Variants in SYNE3 observed in about 807,000 individuals in gnomAD.
SYNE3 encodes the protein spectrin repeat containing nuclear envelope family member 3, also known as nesprin-3.
Under a neutral mutation model 111.2 loss-of-function variants are expected in SYNE3, and 100 were observed. The observed-to-expected ratio is 0.90, with a 90% confidence interval of 0.77 to 1.06. The LOEUF is 1.06. SYNE3 is among the 50% of genes least tolerant of loss of function. The pLI is 0.00. For missense variants in SYNE3, 1,160 were observed against 1,240.3 expected, an observed-to-expected ratio of 0.94 and a Z score of 0.97; for synonymous variants, 547 against 533.9, an observed-to-expected ratio of 1.02 and a Z score of -0.34.
Position 95,488,697 on chromosome 14 carries a change from G to GAGGAGAGGAGAGGAGAGGAGAGGA in SYNE3, c.-14-12863_-14-12862insTCCTCTCCTCTCCTCTCCTCTCCT, listed in dbSNP as rs1889677131. ...GGTGGGGTGGGGAGGGAAGGGGAAG[G>GAGGAGAGGAGAGGAGAGGAGAGGA]GAGGAGAGGAGAGGAGAGGAGAGGA... On this transcript the variant is annotated intron_variant, in intron 1 of 17. Transcript: ENST00000682763. Among the ~76,000 whole-genome samples, 3 of 38,240 alleles carry GAGGAGAGGAGAGGAGAGGAGAGGA rather than the reference G, an allele frequency of 7.8e-5. 1 individual carries two copies. Among genetic ancestry groups the GAGGAGAGGAGAGGAGAGGAGAGGA allele is most frequent in the Non-Finnish European group, 1.5e-4 (3 of 19,824 alleles). 25.1% of individuals were successfully genotyped at this position (38,240 alleles called of 152,430 possible).
At chr14:95,509,063 T>C (rs534961346) in intron 1 of SYNE3, among the ~76,000 whole-genome samples, 8 of 152,344 alleles carry the variant, frequency 5.3e-5, no homozygotes, top group African/African-American at 1.9e-4. Flanking sequence ...GATAATCCTG[T>C]CTCCAGCCCT....
At chr14:95,421,899 C>T (rs973497109) in intron 17 of SYNE3, among the ~76,000 whole-genome samples, 1 of 152,208 alleles carries the variant, frequency 6.6e-6, no homozygotes, top group East Asian at 1.9e-4. Context: ...ACCTGGTTAG[C>T]GCTGACTGAT....
chr14:95,449,904 C>T, intron 8 of SYNE3, 27 bp downstream of exon 8: 1 of 1,546,364 alleles, frequency 6.5e-7, no homozygotes, highest in Non-Finnish European at 8.7e-7. Flanking sequence ...CACCCCAGCC[C>T]CACCCAGTTG....
intron 1 of SYNE3, among the ~76,000 whole-genome samples, chr14:95,506,362 G>T (rs987820314): frequency 6.6e-6 from 1 of 152,214 alleles, no homozygotes; most frequent in African/African-American, 2.4e-5. Flanking sequence ...CTGGTGCTCC[G>T]GGCAGGCAAT....
intron 17 of SYNE3, 107 bp downstream of exon 17, chr14:95,431,972 C>A: frequency 7.5e-7 from 1 of 1,337,972 alleles, no homozygotes; most frequent in Non-Finnish European, 1.0e-6. Context: ...TTTGGTCTTC[C>A]TGGAACCTTC....
intron 1 of SYNE3, among the ~76,000 whole-genome samples, chr14:95,476,110 A>C (rs11622887): frequency 0.52 from 79,437 of 152,142 alleles, 21,096 homozygotes; most frequent in African/African-American, 0.61. Flanking sequence ...CCTCTTCTCG[A>C]AGCTTGAGGC....
At chr14:95,464,788 C>A (rs1317864181) in intron 4 of SYNE3, among the ~76,000 whole-genome samples, 1 of 152,200 alleles carries the variant, frequency 6.6e-6, no homozygotes, top group Non-Finnish European at 1.5e-5. Flanking sequence ...AGGACAACAC[C>A]CCCCAAGGAA....
At chr14:95,443,997 ACT>A (rs1886556268) in intron 10 of SYNE3, 1 of 158,012 alleles carries the variant, frequency 6.3e-6, no homozygotes, top group South Asian at 2.0e-4. Flanking sequence ...TCTAGAGAAC[ACT>A]CTCAATTTAT....
intron 17 of SYNE3, among the ~76,000 whole-genome samples, chr14:95,419,537 T>C (rs891552840): frequency 9.2e-5 from 14 of 152,092 alleles, no homozygotes; most frequent in Non-Finnish European, 1.5e-4. Flanking sequence ...ACTATTATTA[T>C]AGAATATATC....
At chr14:95,442,991 A>AT (rs1886490537) in intron 11 of SYNE3, among the ~76,000 whole-genome samples, 164 bp downstream of exon 11, 1 of 152,186 alleles carries the variant, frequency 6.6e-6, no homozygotes, top group Admixed American at 6.5e-5. Context: ...GGAGGTGCTC[A>AT]ATAATTGTCT....
intron 1 of SYNE3, among the ~76,000 whole-genome samples, chr14:95,501,676 C>G (rs1890340195): frequency 6.6e-6 from 1 of 152,140 alleles, no homozygotes. Context: ...GGAGGAGACT[C>G]CTGAGCTGAA....
intron 2 of SYNE3, among the ~76,000 whole-genome samples, chr14:95,469,473 T>C (rs1010710897): frequency 1.3e-5 from 2 of 150,544 alleles, no homozygotes; most frequent in East Asian, 3.9e-4. Context: ...GGCAGGAGAA[T>C]TGCTCGAGCT....
chr14:95,416,694 C>A lies in SYNE3; in HGVS notation c.*1132G>T, dbSNP rs1167216792. 2.6e-5 allele frequency: 4 copies of A among 152,370 alleles called. No homozygotes were observed. Among genetic ancestry groups the A allele is most frequent in the Admixed American group, 2.6e-4 (4 of 15,288 alleles). 9.4% of individuals were successfully genotyped at this position (152,370 alleles called of 1,614,324 possible). ...CATGAGACCTTCTTGGCCCCATAGA[C>A]CTGCTGTCTCCAGAGTCTTTTCTGG... On this transcript the variant is annotated 3_prime_UTR_variant, in exon 18 of 18. Transcript: ENST00000682763.
At chr14:95,448,776 C>A (rs1805538350) in intron 8 of SYNE3, among the ~76,000 whole-genome samples, 2 of 152,212 alleles carry the variant, frequency 1.3e-5, no homozygotes, top group South Asian at 4.1e-4. Flanking sequence ...TTTCAAAATG[C>A]AGGCACATGG....
At chr14:95,438,916 A>G in intron 14 of SYNE3, 117 bp downstream of exon 14, 1 of 1,419,496 alleles carries the variant, frequency 7.0e-7, no homozygotes, top group Non-Finnish European at 9.7e-7. Flanking sequence ...GACGTGGCCA[A>G]GTCCTCAGAG....
rs780897044 is a variant in SYNE3, at chr14:95,417,958, C to T, written c.2796G>A (p.Leu932=). 7 of 1,613,622 alleles carry T rather than the reference C, an allele frequency of 4.3e-6. No homozygotes were observed. Residue 932 remains leucine, a synonymous_variant, in exon 18 of 18, where the codon CTG becomes CTA. Coordinates refer to ENST00000682763, the MANE Select transcript of SYNE3 (RefSeq NM_152592.6). ...GCAGGAGGAGGAACAGCAGCAGAAG[C>T]AGCTGCAGTGGGAGCGCCACACAGC... The part of the protein sequence containing the change: ...RACCVALPLQ[L]LLLLFLLLLF...
In SYNE3 at chr14:95,516,617, G is replaced by T. The variant is rs939891414; in HGVS notation, c.-36C>A. Among the ~76,000 whole-genome samples, 9 of 150,746 alleles carry T rather than the reference G, an allele frequency of 6.0e-5. No individual in the cohort carries two copies. Among genetic ancestry groups the T allele is most frequent in the African/African-American group, 1.7e-4 (7 of 41,228 alleles). On this transcript the variant is annotated 5_prime_UTR_variant, in exon 1 of 18. Transcript: ENST00000682763. ...TTACCCTCCCGGAGCGTGGAGGAGCGCGGCGCCGCGGGTAGCTGGGGCCGA... is the reference window on the plus strand; with the variant it reads ...TTACCCTCCCGGAGCGTGGAGGAGCTCGGCGCCGCGGGTAGCTGGGGCCGA...
At chr14:95,449,897 C>A (rs1487566683) in intron 8 of SYNE3, 34 bp downstream of exon 8, 62 of 1,543,586 alleles carry the variant, frequency 4.0e-5, no homozygotes, top group Non-Finnish European at 5.3e-5. Context: ...AGTGGCCCAC[C>A]CCAGCCCCAC....
chr14:95,434,723 T>C (rs1367200460), intron 15 of SYNE3, among the ~76,000 whole-genome samples: 2 of 152,226 alleles, frequency 1.3e-5, no homozygotes, highest in Admixed American at 1.3e-4. Context: ...AATGGCGCGA[T>C]CTCGGCTCAC....
Sources: allele counts gnomAD v4.1 joint callset (sites outside exome capture counted in the v4.1 genomes callset), GRCh38; gene constraint gnomAD v4.1.1; transcripts MANE v1.5; gene names NCBI Gene and HGNC (gene_info 2026-07-23, HGNC 2026-07-21).